Variants in ASS1 observed in about 807,000 individuals in gnomAD.
ASS1 encodes argininosuccinate synthase 1, also known as argininosuccinate synthase.
ASS1 carries 58 observed loss-of-function variants against 60.5 expected under a neutral mutation model. The ratio of observed to expected loss-of-function variants is 0.96; its 90% CI spans 0.78 to 1.19. ASS1 has a LOEUF of 1.19. Ranked by LOEUF, ASS1 falls within the 50% of genes most tolerant of loss-of-function variation. The probability of loss-of-function intolerance (pLI) is 0.00; values close to 1 mark genes in which losing one functional copy is unlikely to be tolerated. For missense variants in ASS1, 454 were observed against 547.3 expected (o/e 0.83, Z 1.70); for synonymous variants, 200 against 206.9 (o/e 0.97, Z 0.29).
chr9:130,453,388 T>C (rs1419700809), intron 2 of ASS1, among the ~76,000 whole-genome samples: 1 of 152,268 alleles, frequency 6.6e-6, no homozygotes, highest in Admixed American at 6.5e-5. Context: ...GTGGCTTGTT[T>C]GCCGGCATAT....
Position 130,470,767 on chromosome 9 carries a change from C to T in ASS1, c.496-67C>T. Reference sequence around the variant, plus strand: ...TTGGGGCTCTCTGAAAAAGCAGGGCCCCTGGGACGGACCTCACGCGTCCTT... The same window carrying T: ...TTGGGGCTCTCTGAAAAAGCAGGGCTCCTGGGACGGACCTCACGCGTCCTT... On this transcript the variant is annotated intron_variant, in intron 6 of 14. Coordinates refer to ENST00000352480, the MANE Select transcript of ASS1 (RefSeq NM_054012.4). The surrounding 1 kb of genome is among the most constrained non-coding windows in gnomAD (Gnocchi z 4.3). The T allele has an allele frequency of 1.4e-6, 2 of 1,479,102 alleles. No individual in the cohort carries two copies. The highest frequency in any genetic ancestry group is 9.4e-7 in the Non-Finnish European group (1 of 1,058,240). 91.6% of individuals were successfully genotyped at this position (1,479,102 alleles called of 1,614,324 possible).
In ASS1 at chr9:130,470,289, C is replaced by G. The variant is rs941959187; in HGVS notation, c.496-545C>G. On this transcript the variant is annotated intron_variant, in intron 6 of 14. Transcript: ENST00000352480. The surrounding 1 kb of genome is among the most constrained non-coding windows in gnomAD (Gnocchi z 4.3). ...TTGGAGACGGGATCTGCTGGGTGTT[C>G]CCCTTCTAGGGTCTGCAGAGTGATG... 6.6e-6 allele frequency among the ~76,000 whole-genome samples: 1 copy of G among 152,188 alleles called. No homozygotes were observed. Among genetic ancestry groups the G allele is most frequent in the Non-Finnish European group, 1.5e-5 (1 of 68,032 alleles).
In ASS1 at chr9:130,491,181, C is replaced by T. The variant is rs1015373001; in HGVS notation, c.970+1717C>T. On this transcript the variant is annotated intron_variant, in intron 12 of 14. Transcript: ENST00000352480. The surrounding 1 kb of genome is among the most constrained non-coding windows in gnomAD (Gnocchi z 5.3). ...AGCTTTGAAGCCAAGTTTCTGCCCC[C>T]GTTCCCAGGGACAGACAGGTGCTTA... 1.4e-4 allele frequency among the ~76,000 whole-genome samples: 21 copies of T among 152,320 alleles called. No individual in the cohort carries two copies. Among genetic ancestry groups the T allele is most frequent in the African/African-American group, 3.4e-4 (14 of 41,566 alleles).
At chr9:130,483,763 T>TCCTC (rs1219608110) in intron 11 of ASS1, among the ~76,000 whole-genome samples, 1 of 150,772 alleles carries the variant, frequency 6.6e-6, no homozygotes, top group Non-Finnish European at 1.5e-5. Flanking sequence ...TGCCTTCCTT[T>TCCTC]CCTCCTCCCT....
intron 4 of ASS1, among the ~76,000 whole-genome samples, chr9:130,462,693 T>C (rs1845630465): frequency 6.6e-6 from 1 of 152,164 alleles, no homozygotes; most frequent in South Asian, 2.1e-4. Flanking sequence ...AATGAGGCTG[T>C]CTTTTAGTTG....
intron 8 of ASS1, among the ~76,000 whole-genome samples, chr9:130,474,020 ACT>A (rs1179798565): frequency 1.4e-3 from 22 of 15,716 alleles, no homozygotes; most frequent in Non-Finnish European, 2.3e-3. Flanking sequence ...CCCCACCCCG[ACT>A]CTCTCTCTCT....
rs192332262 is a variant in ASS1, at chr9:130,491,828, T to C, written c.970+2364T>C. 6.6e-6 allele frequency among the ~76,000 whole-genome samples: 1 copy of C among 152,104 alleles called. No individual in the cohort carries two copies. Among genetic ancestry groups the C allele is most frequent in the Admixed American group, 6.5e-5 (1 of 15,272 alleles). ...GGGGCTTCTTCTGGGTAGTTATCAC[T>C]AATATTAACTTTGCCCTGGTCCGCT... On this transcript the variant is annotated intron_variant, in intron 12 of 14. Transcript: ENST00000352480. The surrounding 1 kb of genome is among the most constrained non-coding windows in gnomAD (Gnocchi z 5.3).
intron 6 of ASS1, among the ~76,000 whole-genome samples, chr9:130,467,819 C>A (rs1455610054): frequency 6.6e-6 from 1 of 152,152 alleles, no homozygotes; most frequent in East Asian, 1.9e-4. Context: ...CCCAGCTCTA[C>A]CCTCACGCCT....
chr9:130,464,848 C>T (rs1845688494), intron 5 of ASS1, among the ~76,000 whole-genome samples: 1 of 151,930 alleles, frequency 6.6e-6, no homozygotes, highest in East Asian at 1.9e-4. Flanking sequence ...GCTAGCTCAT[C>T]CTTCATCCAG....
intron 12 of ASS1, among the ~76,000 whole-genome samples, chr9:130,493,895 A>G (rs1453853582): frequency 6.6e-6 from 1 of 152,046 alleles, no homozygotes; most frequent in Non-Finnish European, 1.5e-5. Flanking sequence ...CATGTTTCTC[A>G]GGCACCTCCT....
In ASS1 at chr9:130,487,041, C is replaced by G. The variant is rs559184992; in HGVS notation, c.839-2292C>G. 2.0e-5 allele frequency among the ~76,000 whole-genome samples: 3 copies of G among 152,300 alleles called. No homozygotes were observed. In the South Asian group the frequency reaches 6.2e-4, roughly 32 times the overall value. On this transcript the variant is annotated intron_variant, in intron 11 of 14. Transcript: ENST00000352480. ...CTGGGTGGTATTAGGCAAGCCACCCCCCTCCCCAGGCCTCAGGTTCTCATT... is the reference window on the plus strand; with the variant it reads ...CTGGGTGGTATTAGGCAAGCCACCCGCCTCCCCAGGCCTCAGGTTCTCATT...
At chr9:130,457,743 C>T (rs1287640809) in intron 3 of ASS1, among the ~76,000 whole-genome samples, 1 of 152,136 alleles carries the variant, frequency 6.6e-6, no homozygotes, top group East Asian at 1.9e-4. Context: ...CTCCCACCCC[C>T]AACAGGGACA....
intron 9 of ASS1, 26 bp from the exon 10 acceptor site, chr9:130,479,690 C>T: frequency 7.6e-6 from 12 of 1,580,884 alleles, no homozygotes; most frequent in East Asian, 2.2e-5. Flanking sequence ...GGCCCAGAGG[C>T]CCACTGCCCT....
At chr9:130,457,144 A>G (rs1845466507) in intron 3 of ASS1, among the ~76,000 whole-genome samples, 1 of 152,244 alleles carries the variant, frequency 6.6e-6, no homozygotes, top group Non-Finnish European at 1.5e-5. Flanking sequence ...CTGGCTTGAC[A>G]GAAAACAGAT....
chr9:130,463,669 G>A (rs1845658341), intron 4 of ASS1, among the ~76,000 whole-genome samples: 1 of 152,192 alleles, frequency 6.6e-6, no homozygotes, highest in African/African-American at 2.4e-5. Context: ...AGGTGACAGG[G>A]TTCCCAAATG....
In ASS1 at chr9:130,476,517, G is replaced by T; in HGVS notation, c.598-354G>T. The T allele has an allele frequency of 2.3e-6, 1 of 431,802 alleles. No homozygotes were observed. The highest frequency in any genetic ancestry group is 2.2e-5 in the South Asian group (1 of 45,246). The allele number at this position is 431,802 out of a possible 1,614,324, so 26.7% of individuals were successfully genotyped here. ...CAATCCCGAGCCGGCGAGAGCGTGC[G>T]TGCCGCTCCTGGGAAGCCCTCGGAA... On this transcript the variant is annotated intron_variant, in intron 8 of 14. Transcript: ENST00000352480. The surrounding 1 kb of genome is among the most constrained non-coding windows in gnomAD (Gnocchi z 4.9).
In ASS1 at chr9:130,470,926, T is replaced by C. The variant is rs1255190065; in HGVS notation, c.566+22T>C. 1 of 1,612,222 alleles carries C rather than the reference T, an allele frequency of 6.2e-7. No individual in the cohort carries two copies. Among genetic ancestry groups the C allele is most frequent in the South Asian group, 1.1e-5 (1 of 91,064 alleles). On this transcript the variant is annotated intron_variant, in intron 7 of 14. Transcript: ENST00000352480. This position sits in a 1 kb window ranked among gnomAD's most constrained non-coding sequence, Gnocchi z 4.3. ...TCAGGTAAATCCCACCCTCCACCCATCCTTGGTCCTCCCGGGCTCATTCCA... is the reference window on the plus strand; with the variant it reads ...TCAGGTAAATCCCACCCTCCACCCACCCTTGGTCCTCCCGGGCTCATTCCA...
intron 5 of ASS1, among the ~76,000 whole-genome samples, chr9:130,464,461 G>T (rs901508997): frequency 6.6e-6 from 1 of 152,084 alleles, no homozygotes; most frequent in Non-Finnish European, 1.5e-5. Flanking sequence ...CCAGGTGTGG[G>T]CAGGCATGGC....
intron 8 of ASS1, among the ~76,000 whole-genome samples, chr9:130,473,312 C>T (rs1419299397): frequency 6.6e-6 from 1 of 152,192 alleles, no homozygotes; most frequent in Non-Finnish European, 1.5e-5. Flanking sequence ...TGGCCTGTCT[C>T]AGGGCAAGCC....
Sources: allele counts gnomAD v4.1 joint callset (sites outside exome capture counted in the v4.1 genomes callset), GRCh38; gene constraint gnomAD v4.1.1; non-coding constraint Gnocchi (gnomAD v3.1); transcripts MANE v1.5; gene names NCBI Gene and HGNC (gene_info 2026-07-23, HGNC 2026-07-21).